The following SYNPR variants were observed in gnomAD, a reference collection of about 807,000 sequenced individuals.
SYNPR encodes synaptoporin.
SYNPR carries 23 observed loss-of-function variants against 32.9 expected under a neutral mutation model. That is an observed-to-expected ratio of 0.70 (90% CI 0.50 to 0.99). The LOEUF is 0.99. Ranked by LOEUF, SYNPR falls within the 50% of genes least tolerant of loss-of-function variation. The pLI is 0.00. For missense variants in SYNPR, 318 were observed against 349.3 expected, an observed-to-expected ratio of 0.91 and a Z score of 0.71; for synonymous variants, 146 against 135.9, an observed-to-expected ratio of 1.07 and a Z score of -0.52.
intron 1 of SYNPR, among the ~76,000 whole-genome samples, chr3:63,239,468 A>G (rs35372833): frequency 1 from 145,086 of 145,450 alleles, 72,361 homozygotes; most frequent in Admixed American, 1. Context: ...TGCATGGTAG[A>G]ATGGGCACAT....
the SYNPR span, among the ~76,000 whole-genome samples, chr3:63,218,705 C>A: frequency 2.4e-3 from 371 of 152,242 alleles, 2 homozygotes; most frequent in South Asian, 6.9e-3. Flanking sequence ...GTGCCTTCTG[C>A]CTGAAAGGTG....
chr3:63,281,711 A>G (rs1210844629), intron 2 of SYNPR, among the ~76,000 whole-genome samples: 1 of 152,178 alleles, frequency 6.6e-6, no homozygotes, highest in Non-Finnish European at 1.5e-5. Flanking sequence ...TTTGGGAACT[A>G]TATTTCAACA....
At chr3:63,541,076 G>A (rs1489214385) in intron 3 of SYNPR, among the ~76,000 whole-genome samples, 1 of 151,730 alleles carries the variant, frequency 6.6e-6, no homozygotes, top group East Asian at 2.0e-4. Context: ...TTGGAGCTGG[G>A]AGAACGATGG....
intron 2 of SYNPR, among the ~76,000 whole-genome samples, chr3:63,355,693 T>G (rs531909442): frequency 2.0e-5 from 3 of 150,374 alleles, no homozygotes; most frequent in Non-Finnish European, 4.5e-5. Flanking sequence ...TCCCAGTGCT[T>G]CAGTACTCTG....
intron 4 of SYNPR, among the ~76,000 whole-genome samples, chr3:63,563,992 A>G (rs1702740772): frequency 6.8e-6 from 1 of 146,126 alleles, no homozygotes; most frequent in Admixed American, 6.9e-5. Context: ...AAAAAAAAAG[A>G]CAACTCGAGA....
chr3:63,247,522 C>T lies in SYNPR; in HGVS notation n.67-4977C>T, dbSNP rs571876269. Among the ~76,000 whole-genome samples, 18 of 152,172 alleles carry T rather than the reference C, an allele frequency of 1.2e-4. No individual in the cohort carries two copies. In the East Asian group the frequency reaches 3.5e-3, roughly 30 times the overall value. On this transcript the variant is annotated intron_variant and non_coding_transcript_variant, in intron 1 of 4. Coordinates refer to the SYNPR transcript ENST00000478456. ...AGTTCAGTGGTTAGGGCGTCTCTGC[C>T]TATGGAGTGTGCTGAGCTGGGCAAG... is the stretch of plus-strand genomic sequence containing the variant.
intron 2 of SYNPR, among the ~76,000 whole-genome samples, chr3:63,379,296 C>T (rs1471947043): frequency 2.0e-5 from 3 of 152,004 alleles, no homozygotes; most frequent in Admixed American, 2.0e-4. Flanking sequence ...ATTCTGCTGT[C>T]GTTTGGTGAA....
chr3:63,272,473 T>TCA (rs2086545101), intron 3 of SYNPR, among the ~76,000 whole-genome samples: 1 of 151,640 alleles, frequency 6.6e-6, no homozygotes, highest in Non-Finnish European at 1.5e-5. Context: ...AAAATTGCAG[T>TCA]GTCTGGTGTT....
At chr3:63,253,649 T>C (rs933059365) in intron 2 of SYNPR, among the ~76,000 whole-genome samples, 1 of 152,132 alleles carries the variant, frequency 6.6e-6, no homozygotes, top group Non-Finnish European at 1.5e-5. Flanking sequence ...ATGGCGATCA[T>C]TAAAAAGTCA....
At chr3:63,259,594 A>T (rs2086420041) in intron 2 of SYNPR, among the ~76,000 whole-genome samples, 1 of 152,334 alleles carries the variant, frequency 6.6e-6, no homozygotes, top group African/African-American at 2.4e-5. Context: ...AGAGCTATCT[A>T]TGACAAACCC....
At chr3:63,607,245 C>G (rs1028004367) in intron 4 of SYNPR, among the ~76,000 whole-genome samples, 1 of 152,140 alleles carries the variant, frequency 6.6e-6, no homozygotes, top group African/African-American at 2.4e-5. Flanking sequence ...CTCTGTAAGA[C>G]CTTCCTCAAT....
the SYNPR span, among the ~76,000 whole-genome samples, chr3:63,208,693 ACT>A: frequency 6.6e-6 from 1 of 152,104 alleles, no homozygotes; most frequent in Non-Finnish European, 1.5e-5. Flanking sequence ...AGGCCTGCAA[ACT>A]CTGTTTCTCT....
At chr3:63,203,068 G>GTATATATATATATATATATA in the SYNPR span, 519 of 107,922 alleles carry the variant, frequency 4.8e-3, 6 homozygotes, top group Non-Finnish European at 6.9e-3. Context: ...ATATGTATGT[G>GTATATATATATATATATATA]TATATATATA....
chr3:63,432,411 GAC>G (rs1183989547), intron 2 of SYNPR, among the ~76,000 whole-genome samples: 4 of 152,158 alleles, frequency 2.6e-5, no homozygotes, highest in African/African-American at 9.7e-5. Context: ...TTTAAGGTAA[GAC>G]AGCAGAATCG....
intron 2 of SYNPR, among the ~76,000 whole-genome samples, chr3:63,316,779 G>T (rs1182627843): frequency 2.0e-5 from 3 of 151,680 alleles, no homozygotes; most frequent in Admixed American, 1.3e-4. Context: ...CTGGGTTAGG[G>T]GTTGGTTTGT....
At position 63,382,460 on chromosome 3, in the gene SYNPR, G is replaced by C. The variant is rs554866064; in HGVS notation, c.85-98372G>C. ...GCCACAGTTGTTTTCAGTGGTGTTT[G>C]ACTGGCATAGACTAGCTATATTCTT... is the stretch of plus-strand genomic sequence containing the variant. On this transcript the variant is annotated intron_variant, in intron 2 of 5. Coordinates refer to ENST00000478300, the MANE Select transcript of SYNPR (RefSeq NM_001130003.2). Among the ~76,000 whole-genome samples the C allele has an allele frequency of 2.9e-4, 44 of 152,346 alleles. 1 individual carries two copies. Among genetic ancestry groups the C allele is most frequent in the African/African-American group, 1.0e-3 (43 of 41,590 alleles).
At chr3:63,206,571 A>T in the SYNPR span, among the ~76,000 whole-genome samples, 1 of 152,192 alleles carries the variant, frequency 6.6e-6, no homozygotes, top group African/African-American at 2.4e-5. Context: ...AAAAAAAAAG[A>T]AAAGAAAAGA....
At chr3:63,411,126 C>A (rs1463931203) in intron 2 of SYNPR, among the ~76,000 whole-genome samples, 1 of 152,082 alleles carries the variant, frequency 6.6e-6, no homozygotes. Context: ...AATGTGGAAA[C>A]TGAATCAGAA....
intron 2 of SYNPR, among the ~76,000 whole-genome samples, chr3:63,254,570 A>T (rs1359357810): frequency 6.6e-6 from 1 of 152,176 alleles, no homozygotes; most frequent in Non-Finnish European, 1.5e-5. Context: ...GTGTTAGACC[A>T]AGGTTTTAGA....
Sources: allele counts gnomAD v4.1 joint callset (sites outside exome capture counted in the v4.1 genomes callset), GRCh38; gene constraint gnomAD v4.1.1; transcripts MANE v1.5; gene names NCBI Gene and HGNC (gene_info 2026-07-23, HGNC 2026-07-21).